MSR1: variants seen among roughly 807,000 people sequenced by gnomAD.
The protein encoded by MSR1 is macrophage scavenger receptor 1.
MSR1 carries 53 observed loss-of-function variants against 47.2 expected under a neutral mutation model. The observed-to-expected ratio is 1.12, with a 90% confidence interval of 0.90 to 1.41. MSR1 has a LOEUF of 1.41. Among genes scored for constraint, MSR1 ranks in the 40% most tolerant of loss-of-function variants. The pLI, the probability that MSR1 is intolerant of heterozygous loss-of-function variation, is 0.00. For missense variants in MSR1, 786 were observed against 546.9 expected (o/e 1.44, Z -4.36); for synonymous variants, 239 against 185.6 (o/e 1.29, Z -2.34).
chr8:16,178,103 CTTT>C, intron 1 of MSR1, 111 bp from the exon 2 acceptor site: 2 of 654,316 alleles, frequency 3.1e-6, no homozygotes, highest in Non-Finnish European at 2.5e-6. Context: ...TTCAGTTTTT[CTTT>C]TTTTTTTTTA....
At chr8:16,152,352 G>A (rs1295759527) in intron 6 of MSR1, among the ~76,000 whole-genome samples, 1 of 152,052 alleles carries the variant, frequency 6.6e-6, no homozygotes, top group Non-Finnish European at 1.5e-5. Context: ...CCTTCTTGGG[G>A]CCATAGCCTA....
intron 9 of MSR1, among the ~76,000 whole-genome samples, chr8:16,110,422 A>C (rs1799731409): frequency 6.6e-6 from 1 of 152,152 alleles, no homozygotes; most frequent in Non-Finnish European, 1.5e-5. Flanking sequence ...TAAACTACTA[A>C]AATGCAAAGT....
At chr8:16,138,803 G>C (rs1024487495) in intron 8 of MSR1, among the ~76,000 whole-genome samples, 2 of 152,184 alleles carry the variant, frequency 1.3e-5, no homozygotes, top group African/African-American at 4.8e-5. Flanking sequence ...CCTGCTAATA[G>C]TCAGGAGTAT....
intron 8 of MSR1, chr8:16,139,963 T>C (rs769405755): frequency 3.1e-4 from 129 of 422,124 alleles, no homozygotes; most frequent in Non-Finnish European, 3.9e-4. Flanking sequence ...CTTAGATGTA[T>C]TGTAATTGCT....
At chr8:16,169,033 T>C (rs1801407161) in intron 3 of MSR1, among the ~76,000 whole-genome samples, 163 bp from the exon 4 acceptor site, 1 of 152,212 alleles carries the variant, frequency 6.6e-6, no homozygotes, top group Non-Finnish European at 1.5e-5. Flanking sequence ...ACGTGTGAAC[T>C]ACGCTACGTA....
intron 8 of MSR1, among the ~76,000 whole-genome samples, chr8:16,128,286 C>T (rs1461913646): frequency 6.6e-6 from 1 of 151,972 alleles, no homozygotes; most frequent in Admixed American, 6.6e-5. Context: ...GCTGAAGTCC[C>T]CAATGTGACT....
chr8:16,162,058 C>T (rs1801177713), intron 5 of MSR1, among the ~76,000 whole-genome samples: 1 of 151,784 alleles, frequency 6.6e-6, no homozygotes, highest in South Asian at 2.1e-4. Context: ...GGTTATATTC[C>T]CAAACTGATA....
intron 8 of MSR1, chr8:16,120,925 G>C: frequency 2.7e-6 from 1 of 367,870 alleles, no homozygotes; most frequent in Non-Finnish European, 5.0e-6. Flanking sequence ...TTGTCACTTA[G>C]ATTTTTTCAT....
intron 8 of MSR1, among the ~76,000 whole-genome samples, chr8:16,126,258 G>A (rs1335687828): frequency 2.0e-5 from 3 of 152,152 alleles, no homozygotes; most frequent in Non-Finnish European, 4.4e-5. Flanking sequence ...AACATGTAAG[G>A]TCTTCTTTGC....
intron 8 of MSR1, among the ~76,000 whole-genome samples, chr8:16,142,187 G>C (rs979689150): frequency 3.3e-5 from 5 of 152,024 alleles, no homozygotes; most frequent in African/African-American, 9.7e-5. Context: ...AATTAGCTGG[G>C]TGTGGTGGCA....
intron 1 of MSR1, among the ~76,000 whole-genome samples, chr8:16,185,156 GAA>G (rs11314968): frequency 0.22 from 32,814 of 149,188 alleles, 4,610 homozygotes; most frequent in East Asian, 0.53. Context: ...ATATTTTCCA[GAA>G]AAAAAAAAAA....
intron 8 of MSR1, among the ~76,000 whole-genome samples, chr8:16,134,487 T>A (rs899114942): frequency 1.3e-5 from 2 of 152,084 alleles, no homozygotes; most frequent in Non-Finnish European, 2.9e-5. Context: ...TTAGTTGATA[T>A]ATGTTGTGTG....
At chr8:16,178,921 A>G (rs1361082686) in intron 1 of MSR1, among the ~76,000 whole-genome samples, 1 of 152,220 alleles carries the variant, frequency 6.6e-6, no homozygotes, top group East Asian at 1.9e-4. Context: ...TGTAATAAAT[A>G]ACATTTAATT....
chr8:16,132,675 C>CG lies in MSR1; in HGVS notation c.1033+10882dup, dbSNP rs374455365. On this transcript the variant is annotated intron_variant, in intron 8 of 9. Coordinates refer to ENST00000262101, the MANE Select transcript of MSR1 (RefSeq NM_138715.3). Reference sequence around the variant, plus strand: ...CTGATTTTTGTATTTTTAGTACAGACGGGTTTTGCCATTTGGCCAGGCTGG... The same window carrying CG: ...CTGATTTTTGTATTTTTAGTACAGACGGGGTTTTGCCATTTGGCCAGGCTGG... 5.2e-3 allele frequency among the ~76,000 whole-genome samples: 795 copies of CG among 152,012 alleles called. 9 individuals are homozygous for CG. The highest frequency in any genetic ancestry group is 0.018 in the African/African-American group (766 of 41,488).
chr8:16,178,466 G>A (rs553704104), intron 1 of MSR1, among the ~76,000 whole-genome samples: 71 of 152,236 alleles, frequency 4.7e-4, no homozygotes, highest in Non-Finnish European at 8.4e-4. Flanking sequence ...AGTACTCCAC[G>A]GTGTACATGT....
intron 1 of MSR1, among the ~76,000 whole-genome samples, chr8:16,182,066 C>A (rs1334459330): frequency 3.3e-5 from 5 of 152,102 alleles, no homozygotes; most frequent in African/African-American, 9.7e-5. Context: ...AGGCAACAAA[C>A]CCACCCCAGG....
At chr8:16,163,449 T>C (rs991668089) in intron 5 of MSR1, among the ~76,000 whole-genome samples, 3 of 150,870 alleles carry the variant, frequency 2.0e-5, no homozygotes, top group Non-Finnish European at 3.0e-5. Context: ...AATCAAAATA[T>C]AGAAATCAAA....
At chr8:16,113,520 G>T (rs1249309559) in intron 9 of MSR1, among the ~76,000 whole-genome samples, 1 of 152,124 alleles carries the variant, frequency 6.6e-6, no homozygotes, top group Admixed American at 6.6e-5. Context: ...TTTAAGCCTA[G>T]TTGGGAAGTG....
chr8:16,131,494 C>A (rs1440866819), intron 8 of MSR1, among the ~76,000 whole-genome samples: 1 of 117,114 alleles, frequency 8.5e-6, no homozygotes, highest in Non-Finnish European at 1.8e-5. Context: ...AATTAGGACC[C>A]ATTTGTCAAT....
Sources: allele counts gnomAD v4.1 joint callset (sites outside exome capture counted in the v4.1 genomes callset), GRCh38; gene constraint gnomAD v4.1.1; transcripts MANE v1.5; gene names NCBI Gene and HGNC (gene_info 2026-07-23, HGNC 2026-07-21).